Variants in SPAG16 observed in about 807,000 individuals in gnomAD.
SPAG16 encodes sperm-associated antigen 16 protein.
Under a neutral mutation model 80.4 loss-of-function variants are expected in SPAG16, and 86 were observed. The observed-to-expected ratio is 1.07, with a 90% CI of 0.90 to 1.28. SPAG16 has a LOEUF of 1.28. Among genes scored for constraint, SPAG16 ranks in the 50% most tolerant of loss-of-function variants. SPAG16 has a pLI of 0.00. For missense variants in SPAG16, 870 were observed against 765.3 expected (o/e 1.14, Z -1.61); for synonymous variants, 294 against 265.9 (o/e 1.11, Z -1.03).
intron 15 of SPAG16, among the ~76,000 whole-genome samples, chr2:214,150,883 T>C (rs1161548125): frequency 6.6e-6 from 1 of 152,086 alleles, no homozygotes; most frequent in Admixed American, 6.6e-5. Context: ...CAGGTCAGTG[T>C]GATTTTAAGG....
At chr2:214,141,880 C>T (rs777955333) in intron 14 of SPAG16, among the ~76,000 whole-genome samples, 3 of 152,066 alleles carry the variant, frequency 2.0e-5, no homozygotes, top group Non-Finnish European at 4.4e-5. Context: ...ATGCATTATA[C>T]TCAATATTTG....
At chr2:214,117,314 G>A (rs2125442033) in intron 14 of SPAG16, among the ~76,000 whole-genome samples, 1 of 151,918 alleles carries the variant, frequency 6.6e-6, no homozygotes, top group South Asian at 2.1e-4. Context: ...CAGTCAGAAG[G>A]GAAAAAGAGA....
At chr2:213,889,952 T>G (rs2076724514) in intron 11 of SPAG16, among the ~76,000 whole-genome samples, 4 of 151,812 alleles carry the variant, frequency 2.6e-5, no homozygotes, top group Admixed American at 2.6e-4. Context: ...TTGAAGAAAA[T>G]TGTTGAGGAA....
intron 10 of SPAG16, among the ~76,000 whole-genome samples, chr2:213,490,881 T>C (rs1025100048): frequency 6.6e-6 from 1 of 152,206 alleles, no homozygotes; most frequent in African/African-American, 2.4e-5. Context: ...GCTCCTATTA[T>C]ACTTAAGGAG....
intron 13 of SPAG16, among the ~76,000 whole-genome samples, chr2:214,023,017 A>G (rs1273156806): frequency 6.6e-6 from 1 of 151,984 alleles, no homozygotes; most frequent in Non-Finnish European, 1.5e-5. Context: ...TTATCTTTCA[A>G]TCAGTCCCTG....
intron 14 of SPAG16, among the ~76,000 whole-genome samples, chr2:214,140,933 T>TGGGGG (rs56893647): frequency 1.9e-4 from 11 of 59,242 alleles, no homozygotes; most frequent in Admixed American, 4.4e-4. Flanking sequence ...ATCCCATTGG[T>TGGGGG]GGGGGGGGGG....
In SPAG16 at chr2:214,312,336, G is replaced by A. The variant is rs370485838; in HGVS notation, c.1721-97804G>A. ...ATACCACTTGGTAAATGTACCTGCTGCACCAAAGTATACTTTAGTTTCATG... is the reference window on the plus strand; with the variant it reads ...ATACCACTTGGTAAATGTACCTGCTACACCAAAGTATACTTTAGTTTCATG... On this transcript the variant is annotated intron_variant, in intron 15 of 15. Coordinates refer to ENST00000331683, the MANE Select transcript of SPAG16 (RefSeq NM_024532.5). Among the ~76,000 whole-genome samples the A allele has an allele frequency of 7.2e-5, 11 of 152,234 alleles. No individual in the cohort carries two copies. The South Asian group carries it at 1.5e-3, about 20-fold the overall frequency.
chr2:213,363,490 T>A (rs977113757), intron 7 of SPAG16, among the ~76,000 whole-genome samples: 1 of 152,134 alleles, frequency 6.6e-6, no homozygotes, highest in Non-Finnish European at 1.5e-5. Flanking sequence ...TATAATCATA[T>A]ACAATGCAAG....
chr2:213,322,343 A>C (rs1559409113), intron 5 of SPAG16, among the ~76,000 whole-genome samples: 1 of 115,694 alleles, frequency 8.6e-6, no homozygotes, highest in South Asian at 4.2e-4. Flanking sequence ...GCAAAAAAAA[A>C]AAAAAAAAAA....
chr2:213,920,200 G>T (rs865862786), intron 11 of SPAG16, among the ~76,000 whole-genome samples: 1 of 152,022 alleles, frequency 6.6e-6, no homozygotes, highest in Non-Finnish European at 1.5e-5. Context: ...CAGGTCTCTT[G>T]AAGACAGCAT....
intron 2 of SPAG16, chr2:213,296,960 T>C: frequency 1.2e-6 from 1 of 801,046 alleles, no homozygotes; most frequent in Non-Finnish European, 1.7e-6. Context: ...GCAAGAATGG[T>C]GATATTTAGA....
In SPAG16 at chr2:214,014,793, G is replaced by A. The variant is rs1218053552; in HGVS notation, c.1527+716G>A. Among the ~76,000 whole-genome samples, 2 of 152,150 alleles carry A rather than the reference G, an allele frequency of 1.3e-5. 1 individual carries two copies. Among genetic ancestry groups the A allele is most frequent in the East Asian group, 3.8e-4 (2 of 5,196 alleles). On this transcript the variant is annotated intron_variant, in intron 13 of 15. Transcript: ENST00000331683. ...TTCCGAGAGAATTAAAGAGCATTAA[G>A]CAAACAGGGTGACATAATCGGATTT...
intron 10 of SPAG16, among the ~76,000 whole-genome samples, chr2:213,848,066 C>T (rs2105898927): frequency 6.6e-6 from 1 of 152,218 alleles, no homozygotes; most frequent in East Asian, 1.9e-4. Flanking sequence ...ATGGTGCATA[C>T]CTTTTATTTA....
chr2:213,828,388 T>A (rs1354461782), intron 10 of SPAG16, among the ~76,000 whole-genome samples: 1 of 152,194 alleles, frequency 6.6e-6, no homozygotes, highest in Non-Finnish European at 1.5e-5. Context: ...TATTTCAATT[T>A]CTTTGTTAAA....
At chr2:213,989,521 T>G (rs1450007088) in intron 12 of SPAG16, among the ~76,000 whole-genome samples, 1 of 152,124 alleles carries the variant, frequency 6.6e-6, no homozygotes, top group East Asian at 1.9e-4. Flanking sequence ...GAGCATGCCC[T>G]TACTAAAAAT....
intron 10 of SPAG16, among the ~76,000 whole-genome samples, chr2:213,537,787 A>C (rs919635115): frequency 6.6e-6 from 1 of 152,164 alleles, no homozygotes; most frequent in Non-Finnish European, 1.5e-5. Flanking sequence ...TATTGATGTC[A>C]CAATGTCAGT....
intron 10 of SPAG16, among the ~76,000 whole-genome samples, chr2:213,597,977 A>G (rs965579727): frequency 1.3e-5 from 2 of 152,064 alleles, no homozygotes; most frequent in Non-Finnish European, 2.9e-5. Flanking sequence ...AACATTTACC[A>G]TTTATTCTCT....
chr2:213,925,860 T>A (rs538624794), intron 11 of SPAG16, among the ~76,000 whole-genome samples: 3 of 152,306 alleles, frequency 2.0e-5, no homozygotes, highest in South Asian at 4.1e-4. Context: ...TATCACTATA[T>A]AAATAAATAA....
intron 10 of SPAG16, among the ~76,000 whole-genome samples, chr2:213,845,199 C>CTT (rs10547272): frequency 7.7e-6 from 1 of 130,490 alleles, no homozygotes; most frequent in African/African-American, 2.8e-5. Context: ...ATCTAGTGTT[C>CTT]TTTTTTTTTT....
Sources: allele counts gnomAD v4.1 joint callset (sites outside exome capture counted in the v4.1 genomes callset), GRCh38; gene constraint gnomAD v4.1.1; transcripts MANE v1.5; gene names NCBI Gene and HGNC (gene_info 2026-07-23, HGNC 2026-07-21).